CDCA7: variants seen among roughly 807,000 people sequenced by gnomAD.
CDCA7 encodes the protein cell division cycle associated 7.
CDCA7 carries 28 observed loss-of-function variants against 54.0 expected under a neutral mutation model. That is an observed-to-expected ratio of 0.52 (90% confidence interval 0.38 to 0.71). The LOEUF (loss-of-function observed/expected upper bound fraction) is 0.71. Among genes scored for constraint, CDCA7 ranks in the 30% least tolerant of loss-of-function variants. The probability of loss-of-function intolerance (pLI) is 0.00; values close to 1 mark genes in which losing one functional copy is unlikely to be tolerated. For synonymous variants in CDCA7, 180 were observed against 208.2 expected (o/e 0.86, Z 1.16); for missense variants, 484 against 586.0 (o/e 0.83, Z 1.80).
chr2:173,363,386 A>G lies in CDCA7; in HGVS notation c.545A>G (p.Asn182Ser). ...TCAGAGAATTCTGTGACTGATTCCAACTCCGATTCAGAAGATGAAAGTGGA... is the reference window on the plus strand; with the variant it reads ...TCAGAGAATTCTGTGACTGATTCCAGCTCCGATTCAGAAGATGAAAGTGGA... The part of the protein sequence containing the change: ...QPSENSVTDS[N>S]SDSEDESGMN... The change falls in exon 4 of 10, where the codon AAC becomes AGC. Residue 182 changes from asparagine to serine, a missense_variant. This residue lies in a region of CDCA7 where 398 missense variants were observed against 447.4 expected (regional missense o/e 0.89). Coordinates refer to ENST00000306721, the MANE Select transcript of CDCA7 (RefSeq NM_031942.5). The G allele has an allele frequency of 1.2e-6, 2 of 1,614,024 alleles. No individual in the cohort carries two copies. Among genetic ancestry groups the G allele is most frequent in the East Asian group, 2.2e-5 (1 of 44,896 alleles).
rs557859449 is a variant in CDCA7 at position 173,367,628 on chromosome 2, T to G, written c.1323-6T>G. Reference sequence around the variant, plus strand: ...GTCCTGACACATTTCCTTTTGTTTTTCACAGCCTGAAACAGGAATTTGAAA... The same window carrying G: ...GTCCTGACACATTTCCTTTTGTTTTGCACAGCCTGAAACAGGAATTTGAAA... On this transcript the variant is annotated splice_region_variant and splice_polypyrimidine_tract_variant and intron_variant, in intron 9 of 9. Coordinates refer to ENST00000306721, the MANE Select transcript of CDCA7 (RefSeq NM_031942.5). The G allele has an allele frequency of 6.2e-7, 1 of 1,614,158 alleles. No homozygotes were observed. The highest frequency in any genetic ancestry group is 1.7e-5 in the Admixed American group (1 of 60,018).
intron 1 of CDCA7, among the ~76,000 whole-genome samples, chr2:173,357,856 A>G (rs1686539055): frequency 6.6e-6 from 1 of 152,180 alleles, no homozygotes; most frequent in African/African-American, 2.4e-5. Flanking sequence ...GTTTGAATAA[A>G]TTGATAAATG....
intron 7 of CDCA7, among the ~76,000 whole-genome samples, chr2:173,365,989 T>C (rs1686712386): frequency 6.6e-6 from 1 of 152,222 alleles, no homozygotes; most frequent in South Asian, 2.1e-4. Flanking sequence ...CACACCAGGC[T>C]AATTTTTATA....
chr2:173,364,911 T>C lies in CDCA7; in HGVS notation c.816T>C (p.Ala272=). The part of the protein sequence containing the change: ...SRSRILGSLD[A]LPMEEEEEED... Reference sequence around the variant, plus strand: ...CCCGGATCCTCGGGTCCCTTGACGCTCTACCCATGGAGGAGGAGGAGGAAG... The same window carrying C: ...CCCGGATCCTCGGGTCCCTTGACGCCCTACCCATGGAGGAGGAGGAGGAAG... The change falls in exon 6 of 10, where the codon GCT becomes GCC. Residue 272 remains alanine, a synonymous_variant. Coordinates refer to ENST00000306721, the MANE Select transcript of CDCA7 (RefSeq NM_031942.5). 1 of 1,610,290 alleles carries C rather than the reference T, an allele frequency of 6.2e-7. No individual in the cohort carries two copies. The highest frequency in any genetic ancestry group is 8.5e-7 in the Non-Finnish European group (1 of 1,178,794).
At chr2:173,356,114 A>G (rs1226473199) in intron 1 of CDCA7, 4 of 152,062 alleles carry the variant, frequency 2.6e-5, no homozygotes, top group Non-Finnish European at 4.4e-5. Context: ...TGTACTTAAC[A>G]TAGTGCCTGG....
intron 1 of CDCA7, 199 bp from the exon 2 acceptor site, chr2:173,358,511 CAG>C (rs1222762336): frequency 4.3e-6 from 2 of 464,926 alleles, no homozygotes; most frequent in Non-Finnish European, 7.5e-6. Context: ...GCCTGGAAGA[CAG>C]AGCGAGATCC....
rs1686757368 is a variant in CDCA7 at position 173,368,149 on chromosome 2, G to C, written c.*485G>C. The C allele has an allele frequency of 6.4e-6, 1 of 156,922 alleles. No individual in the cohort carries two copies. The highest frequency in any genetic ancestry group is 1.4e-5 in the Non-Finnish European group (1 of 70,890). 9.7% of individuals were successfully genotyped at this position (156,922 alleles called of 1,614,324 possible). A position where few individuals can be genotyped will look rare whatever the true frequency, so the allele number is the denominator to read the frequency against. The stretch of plus-strand genomic sequence containing the variant: ...TAGTTGAAATTTTTAATAGAATCAA[G>C]GCACAAAAGTCTTAAAACCATGTGG... On this transcript the variant is annotated 3_prime_UTR_variant, in exon 10 of 10. Transcript: ENST00000306721.
rs554079539 is a variant in CDCA7 at position 173,366,909 on chromosome 2, G to T, written c.1186-241G>T. Among the ~76,000 whole-genome samples, 1 of 152,166 alleles carries T rather than the reference G, an allele frequency of 6.6e-6. No homozygotes were observed. The highest frequency in any genetic ancestry group is 2.4e-5 in the African/African-American group (1 of 41,448). ...GGATGGTGCTGCATAGGCATGAGCC[G>T]CTTCTACGATACTCGGGTCTGAACT... is the stretch of plus-strand genomic sequence containing the variant. On this transcript the variant is annotated intron_variant, in intron 8 of 9. Transcript: ENST00000306721. The surrounding 1 kb of genome is among the most constrained non-coding windows in gnomAD (Gnocchi z 4.5).
In CDCA7 at chr2:173,358,783, G is replaced by T; in HGVS notation, c.93G>T (p.Ser31=). Residue 31 remains serine, a synonymous_variant, in exon 2 of 10, where the codon TCG becomes TCT. Coordinates refer to ENST00000306721, the MANE Select transcript of CDCA7 (RefSeq NM_031942.5). ...TGAAGTTGATTTCCATGGAAACCTCGTCATCCTCTGATGACAGTTGTGACA... is the reference window on the plus strand; with the variant it reads ...TGAAGTTGATTTCCATGGAAACCTCTTCATCCTCTGATGACAGTTGTGACA... ...RYVKLISMET[S]SSSDDSCDSF... 1 of 1,613,890 alleles carries T rather than the reference G, an allele frequency of 6.2e-7. No individual in the cohort carries two copies. Among genetic ancestry groups the T allele is most frequent in the Non-Finnish European group, 8.5e-7 (1 of 1,179,920 alleles).
rs1268212286 is a variant in CDCA7 at position 173,367,859 on chromosome 2, C to T, written c.*195C>T. ...ATATTGCTAGTTACACTTTGCCCTC[C>T]TGCAGTTTCTTCTCTGCTCCCAACC... On this transcript the variant is annotated 3_prime_UTR_variant, in exon 10 of 10. Coordinates refer to ENST00000306721, the MANE Select transcript of CDCA7 (RefSeq NM_031942.5). 1 of 625,840 alleles carries T rather than the reference C, an allele frequency of 1.6e-6. No homozygotes were observed. The highest frequency in any genetic ancestry group is 2.8e-6 in the Non-Finnish European group (1 of 355,492). The allele number at this position is 625,840 out of a possible 1,614,324, so 38.8% of individuals were successfully genotyped here. A position where few individuals can be genotyped will look rare whatever the true frequency, so the allele number is the denominator to read the frequency against.
chr2:173,356,185 T>G (rs1014615334), intron 1 of CDCA7: 1 of 152,258 alleles, frequency 6.6e-6, no homozygotes, highest in Non-Finnish European at 1.5e-5. Flanking sequence ...GAAGTTCATC[T>G]CCGTCTTGAC....
In CDCA7 at chr2:173,367,847, C is replaced by T; in HGVS notation, c.*183C>T. ...ATCACAGAAGGTATATTGCTAGTTA[C>T]ACTTTGCCCTCCTGCAGTTTCTTCT... On this transcript the variant is annotated 3_prime_UTR_variant, in exon 10 of 10. Coordinates refer to ENST00000306721, the MANE Select transcript of CDCA7 (RefSeq NM_031942.5). The T allele has an allele frequency of 1.5e-6, 1 of 665,422 alleles. No homozygotes were observed. The allele number at this position is 665,422 out of a possible 1,614,324, so 41.2% of individuals were successfully genotyped here. A position where few individuals can be genotyped will look rare whatever the true frequency, so the allele number is the denominator to read the frequency against.
At chr2:173,361,899 C>G (rs1686629388) in intron 3 of CDCA7, among the ~76,000 whole-genome samples, 1 of 152,134 alleles carries the variant, frequency 6.6e-6, no homozygotes, top group African/African-American at 2.4e-5. Flanking sequence ...TCACTGCAAC[C>G]TCCGCTTCCT....
intron 3 of CDCA7, among the ~76,000 whole-genome samples, chr2:173,362,858 G>A (rs1225342624): frequency 6.6e-6 from 1 of 152,116 alleles, no homozygotes; most frequent in Admixed American, 6.5e-5. Context: ...GATTACAGAT[G>A]TGAGCCACTG....
chr2:173,367,238 AT>A lies in CDCA7; in HGVS notation c.1277del (p.Leu426Ter). The A allele has an allele frequency of 6.2e-7, 1 of 1,613,846 alleles. No individual in the cohort carries two copies. The highest frequency in any genetic ancestry group is 1.1e-5 in the South Asian group (1 of 91,030). ...DGRCATGVLV[Y>X]LAKYHGFGNV... is the part of the protein sequence containing the mutation. Reference sequence around the variant, plus strand: ...CGGTGTGCGACTGGGGTCCTTGTGTATTTAGCCAAATATCATGGCTTTGGGA... The same window carrying A: ...CGGTGTGCGACTGGGGTCCTTGTGTATTAGCCAAATATCATGGCTTTGGGA... On this transcript the variant is annotated frameshift_variant, in exon 9 of 10. Transcript: ENST00000306721. LOFTEE classifies it high-confidence loss of function.
chr2:173,365,843 A>G (rs1376886893), intron 7 of CDCA7, among the ~76,000 whole-genome samples: 2 of 152,222 alleles, frequency 1.3e-5, no homozygotes, highest in African/African-American at 2.4e-5. Flanking sequence ...AATTCATTCA[A>G]CATATATTTA....
At chr2:173,367,341 T>C in intron 9 of CDCA7, 55 bp downstream of exon 9, 12 of 1,609,156 alleles carry the variant, frequency 7.5e-6, no homozygotes, top group Non-Finnish European at 8.5e-7. Context: ...CATTTATGTC[T>C]TAATGAGAAG....
At position 173,359,258 on chromosome 2, in the gene CDCA7, C is replaced by A; in HGVS notation, c.151C>A (p.Pro51Thr). The part of the protein sequence containing the change: ...FASDNFANTK[P>T]KFRSDISEEL... The stretch of plus-strand genomic sequence containing the variant: ...CATTTATTTATTTATTTTACAGAAA[C>A]CTAAATTCAGGTCAGATATCAGTGA... Residue 51 changes from proline to threonine, a missense_variant, in exon 3 of 10, where the codon CCT becomes ACT. By Grantham distance (38) the Pro-to-Thr change is conservative (BLOSUM62 -1). This residue lies in a region of CDCA7 where 398 missense variants were observed against 447.4 expected (regional missense o/e 0.89). Coordinates refer to ENST00000306721, the MANE Select transcript of CDCA7 (RefSeq NM_031942.5). 6.2e-7 allele frequency: 1 copy of A among 1,608,414 alleles called. No individual in the cohort carries two copies. Among genetic ancestry groups the A allele is most frequent in the East Asian group, 2.2e-5 (1 of 44,830 alleles).
intron 9 of CDCA7, 122 bp downstream of exon 9, chr2:173,367,408 G>C (rs920969961): frequency 3.0e-5 from 44 of 1,454,400 alleles, no homozygotes; most frequent in Non-Finnish European, 3.9e-5. Flanking sequence ...ACTGGAACGG[G>C]GCACACTGGA....
Sources: gnomAD v4.1 joint callset for allele counts (sites outside exome capture counted in the v4.1 genomes callset) on GRCh38, gnomAD v4.1.1 for gene constraint, gnomAD v4.1.1 regional missense constraint, Gnocchi (gnomAD v3.1) non-coding constraint, MANE v1.5 for transcripts, NCBI Gene and HGNC (gene_info 2026-07-23, HGNC 2026-07-21) for gene names.